ARNT2: variants seen among roughly 807,000 people sequenced by gnomAD.
ARNT2 encodes the protein ARNT protein 2.
ARNT2 carries 36 observed loss-of-function variants against 91.7 expected under a neutral mutation model. The ratio of observed to expected loss-of-function variants is 0.39; its 90% CI spans 0.30 to 0.52. The LOEUF is 0.52. ARNT2 is among the 20% of genes least tolerant of loss of function. The pLI is 0.72. For synonymous variants in ARNT2, 365 were observed against 347.1 expected (o/e 1.05, Z -0.57); for missense variants, 775 against 939.3 (o/e 0.83, Z 2.29).
chr15:80,495,299 A>G (rs1217323475), intron 5 of ARNT2, among the ~76,000 whole-genome samples: 1 of 151,910 alleles, frequency 6.6e-6, no homozygotes, highest in East Asian at 1.9e-4. Flanking sequence ...GTTGCTGCCA[A>G]CTCTTCATTC....
intron 8 of ARNT2, among the ~76,000 whole-genome samples, chr15:80,516,072 T>C (rs1897429816): frequency 6.6e-6 from 1 of 152,154 alleles, no homozygotes. Context: ...GGTTTCACCA[T>C]GTTGGCCAGG....
chr15:80,575,670 A>T (rs1314347040), intron 14 of ARNT2, among the ~76,000 whole-genome samples: 1 of 152,208 alleles, frequency 6.6e-6, no homozygotes, highest in Non-Finnish European at 1.5e-5. Context: ...GTGGCAGAAA[A>T]TCATGCATTA....
chr15:80,569,231 C>T (rs1164185166), intron 12 of ARNT2, among the ~76,000 whole-genome samples: 2 of 152,166 alleles, frequency 1.3e-5, no homozygotes, highest in Non-Finnish European at 2.9e-5. Context: ...GGAAAATTGA[C>T]AGCATCTGCC....
chr15:80,521,842 G>A (rs1897552205), intron 8 of ARNT2, among the ~76,000 whole-genome samples: 1 of 152,156 alleles, frequency 6.6e-6, no homozygotes, highest in Non-Finnish European at 1.5e-5. Flanking sequence ...AATGGATTCT[G>A]GTAGTAACAA....
chr15:80,414,765 CTCTTT>C lies in ARNT2; in HGVS notation c.31+10221_31+10225del, dbSNP rs1190673972. ...CAAGGATCACAGCTGTGTTCTCTCT[CTCTTT>C]TTTTTTTTTTTGAAAATATTTCACG... On this transcript the variant is annotated intron_variant, in intron 1 of 18. Coordinates refer to ENST00000303329, the MANE Select transcript of ARNT2 (RefSeq NM_014862.4). Among the ~76,000 whole-genome samples, 311 of 99,638 alleles carry C rather than the reference CTCTTT, an allele frequency of 3.1e-3. 2 individuals carry two copies. The highest frequency in any genetic ancestry group is 0.012 in the African/African-American group (300 of 25,562). The allele number at this position is 99,638 out of a possible 152,430, so 65.4% of individuals were successfully genotyped here. A position where few individuals can be genotyped will look rare whatever the true frequency, so the allele number is the denominator to read the frequency against.
At chr15:80,581,522 T>C in intron 17 of ARNT2, 118 bp downstream of exon 17, 1 of 1,337,176 alleles carries the variant, frequency 7.5e-7, no homozygotes, top group Non-Finnish European at 1.0e-6. Flanking sequence ...GTCTGGAGGT[T>C]TCCAAGCACC....
At chr15:80,488,188 A>G (rs1329707999) in intron 5 of ARNT2, among the ~76,000 whole-genome samples, 2 of 152,198 alleles carry the variant, frequency 1.3e-5, no homozygotes, top group Non-Finnish European at 2.9e-5. Flanking sequence ...CCAACTCCCA[A>G]TAACAGTGCA....
rs1249487229 is a variant in ARNT2 at position 80,581,299 on chromosome 15, A to G, written c.1813A>G (p.Thr605Ala). Residue 605 changes from threonine to alanine, a missense_variant, in exon 17 of 19, where the codon ACC becomes GCC. Physicochemically the swap from Thr to Ala is moderately conservative, Grantham distance 58 (BLOSUM62 0). Coordinates refer to ENST00000303329, the MANE Select transcript of ARNT2 (RefSeq NM_014862.4). ...TCCCTTTGGGATTGGAACGAGCCAC[A>G]CCTACCCGGCAGACCCCTCTTCCTA... ...SSPFGIGTSHTYPADPSSYSP... is the reference protein window; with the variant it reads ...SSPFGIGTSHAYPADPSSYSP... 6.2e-7 allele frequency: 1 copy of G among 1,613,858 alleles called. No individual in the cohort carries two copies. The highest frequency in any genetic ancestry group is 1.3e-5 in the African/African-American group (1 of 74,822).
At chr15:80,464,442 C>G (rs958956628) in intron 3 of ARNT2, among the ~76,000 whole-genome samples, 1 of 152,160 alleles carries the variant, frequency 6.6e-6, no homozygotes, top group Non-Finnish European at 1.5e-5. Flanking sequence ...TCAGAGGTGC[C>G]GGGCCTGGGT....
chr15:80,431,595 TGGAATAGGGGTCCTTACAGACA>T (rs1305000345), intron 1 of ARNT2, among the ~76,000 whole-genome samples: 3 of 152,188 alleles, frequency 2.0e-5, no homozygotes, highest in Admixed American at 2.0e-4. Flanking sequence ...CTGAAGCGGC[TGGAATAGGGGTCCTTACAGACA>T]GGCCCACCTT....
At chr15:80,495,329 GT>G (rs1595986027) in intron 5 of ARNT2, among the ~76,000 whole-genome samples, 1 of 152,322 alleles carries the variant, frequency 6.6e-6, no homozygotes, top group East Asian at 1.9e-4. Context: ...CACTCTTTGT[GT>G]ACACAGGAGC....
At chr15:80,513,808 A>T in intron 6 of ARNT2, 103 bp from the exon 7 acceptor site, 2 of 982,074 alleles carry the variant, frequency 2.0e-6, no homozygotes, top group Admixed American at 3.8e-5. Flanking sequence ...ACCTGAATAA[A>T]TGTGTAAGCA....
intron 1 of ARNT2, among the ~76,000 whole-genome samples, chr15:80,412,068 G>T (rs1440008679): frequency 6.6e-6 from 1 of 152,234 alleles, no homozygotes; most frequent in Non-Finnish European, 1.5e-5. Context: ...AAGGTCAAAA[G>T]ATGCATTCAT....
intron 8 of ARNT2, among the ~76,000 whole-genome samples, chr15:80,543,650 ACTTT>A (rs1809661027): frequency 6.6e-6 from 1 of 152,128 alleles, no homozygotes; most frequent in Non-Finnish European, 1.5e-5. Context: ...CATTTTTATT[ACTTT>A]CTATCTTTCA....
At chr15:80,531,845 C>A (rs1335772825) in intron 8 of ARNT2, among the ~76,000 whole-genome samples, 1 of 152,188 alleles carries the variant, frequency 6.6e-6, no homozygotes, top group Non-Finnish European at 1.5e-5. Flanking sequence ...ACCTGAAGCT[C>A]CGTGAGGTTC....
intron 5 of ARNT2, among the ~76,000 whole-genome samples, chr15:80,477,568 G>C (rs1379958299): frequency 3.3e-5 from 5 of 152,110 alleles, no homozygotes; most frequent in Admixed American, 3.3e-4. Context: ...TTTGGAGATG[G>C]CCACCTTCTT....
In ARNT2 at chr15:80,583,693, G is replaced by A. The variant is rs1325844294; in HGVS notation, c.1918+2289G>A. Among the ~76,000 whole-genome samples, 4 of 152,176 alleles carry A rather than the reference G, an allele frequency of 2.6e-5. No individual in the cohort carries two copies. The East Asian group carries it at 7.7e-4, about 29-fold the overall frequency. The stretch of plus-strand genomic sequence containing the variant: ...AGATAAGTAAACTAAGGCACACTGA[G>A]GTCAGATAACTTACCCAGGCTAACT... On this transcript the variant is annotated intron_variant, in intron 17 of 18. Coordinates refer to ENST00000303329, the MANE Select transcript of ARNT2 (RefSeq NM_014862.4).
At chr15:80,466,834 A>C (rs1368042555) in intron 3 of ARNT2, among the ~76,000 whole-genome samples, 1 of 152,272 alleles carries the variant, frequency 6.6e-6, no homozygotes, top group Non-Finnish European at 1.5e-5. Context: ...TGGACTAGGC[A>C]ATAAATACAA....
At chr15:80,500,849 A>G (rs965909113) in intron 5 of ARNT2, among the ~76,000 whole-genome samples, 107 of 152,236 alleles carry the variant, frequency 7.0e-4, no homozygotes, top group Non-Finnish European at 1.0e-3. Context: ...CTGTTTTCCA[A>G]TAAAACTTTA....
Sources: allele counts gnomAD v4.1 joint callset (sites outside exome capture counted in the v4.1 genomes callset), GRCh38; gene constraint gnomAD v4.1.1; transcripts MANE v1.5; gene names NCBI Gene and HGNC (gene_info 2026-07-23, HGNC 2026-07-21).